Variants in CCND3 observed in about 807,000 individuals in gnomAD.
CCND3 encodes the protein cyclin D3, also known as G1/S-specific cyclin-D3.
CCND3 carries 9 observed loss-of-function variants against 28.7 expected under a neutral mutation model. That is an observed-to-expected ratio of 0.31 (90% CI 0.19 to 0.55). The LOEUF (loss-of-function observed/expected upper bound fraction) is 0.55. CCND3 is among the 20% of genes least tolerant of loss of function. The pLI, the probability that CCND3 is intolerant of heterozygous loss-of-function variation, is 0.93. For missense variants in CCND3, 315 were observed against 385.8 expected (o/e 0.82, Z 1.54); for synonymous variants, 164 against 163.9 (o/e 1.00, Z 0.00).
At chr6:42,038,536 T>A (rs1371444088) in intron 1 of CCND3, among the ~76,000 whole-genome samples, 4 of 140,484 alleles carry the variant, frequency 2.8e-5, no homozygotes, top group Non-Finnish European at 6.1e-5. Flanking sequence ...TGAGACCCCA[T>A]CTCAACTAAA....
chr6:42,032,848 G>C (rs1764083119), intron 1 of CCND3, among the ~76,000 whole-genome samples: 1 of 152,130 alleles, frequency 6.6e-6, no homozygotes, highest in South Asian at 2.1e-4. Flanking sequence ...TCTCTTTCGA[G>C]CCCCTGGCAC....
Position 41,984,949 on chromosome 6 carries a change from T to C in CCND3, c.-45-44364A>G, listed in dbSNP as rs150073830. Among the ~76,000 whole-genome samples the C allele has an allele frequency of 2.2e-3, 341 of 152,338 alleles. 2 individuals carry two copies. The highest frequency in any genetic ancestry group is 8.0e-3 in the African/African-American group (333 of 41,584). ...CTATTAAAGTCTTTTACTCATATTG[T>C]TTTTCTCTTCCTCTCTCAACTGACC... On this transcript the variant is annotated intron_variant, in intron 1 of 4. Transcript: ENST00000372988.
intron 1 of CCND3, among the ~76,000 whole-genome samples, chr6:41,987,124 G>A (rs1762500885): frequency 6.6e-6 from 1 of 152,002 alleles, no homozygotes; most frequent in Non-Finnish European, 1.5e-5. Flanking sequence ...GGATTAATGG[G>A]ATGGACTTTC....
intron 1 of CCND3, among the ~76,000 whole-genome samples, chr6:41,955,407 A>C (rs910994490): frequency 3.3e-5 from 5 of 152,198 alleles, no homozygotes; most frequent in African/African-American, 1.2e-4. Context: ...TTGAAAAAAA[A>C]CCAATATAAT....
intron 2 of CCND3, 113 bp downstream of exon 2, chr6:41,940,257 G>C (rs1021671725): frequency 5.4e-6 from 5 of 928,798 alleles, no homozygotes; most frequent in East Asian, 2.4e-5. Context: ...CAAAGGTCCT[G>C]ATCCCCTTGC....
intron 1 of CCND3, among the ~76,000 whole-genome samples, chr6:41,978,364 T>C (rs1582126443): frequency 8.3e-6 from 1 of 120,136 alleles, no homozygotes; most frequent in Non-Finnish European, 1.7e-5. Flanking sequence ...AGAGCGAGAC[T>C]CCATCTCAAA....
At chr6:41,963,259 A>T (rs2127405010) in intron 1 of CCND3, among the ~76,000 whole-genome samples, 1 of 152,274 alleles carries the variant, frequency 6.6e-6, no homozygotes, top group East Asian at 1.9e-4. Context: ...AGGCCAACTC[A>T]AATATCACCT....
chr6:41,971,011 A>C (rs1334278912), intron 1 of CCND3, among the ~76,000 whole-genome samples: 3 of 151,932 alleles, frequency 2.0e-5, no homozygotes, highest in Admixed American at 2.0e-4. Flanking sequence ...ACCACCTTAC[A>C]GGTTCAAACG....
chr6:41,989,097 A>G (rs1284697742), intron 1 of CCND3, among the ~76,000 whole-genome samples: 2 of 152,170 alleles, frequency 1.3e-5, no homozygotes, highest in Admixed American at 6.5e-5. Flanking sequence ...AAATAATTGC[A>G]AAGAACACAT....
upstream of CCND3, chr6:42,049,690 G>A (rs1003240091): frequency 3.3e-5 from 5 of 152,310 alleles, no homozygotes; most frequent in Non-Finnish European, 7.3e-5. Context: ...AAGGCAGCAG[G>A]ATGCAGCGAT....
chr6:42,007,090 A>G (rs1763197527), intron 1 of CCND3, among the ~76,000 whole-genome samples: 1 of 152,088 alleles, frequency 6.6e-6, no homozygotes, highest in Admixed American at 6.6e-5. Flanking sequence ...CATAATATAC[A>G]TACACACATG....
chr6:42,000,564 C>CTTTTTTTTTTTTTTTTTTTTTTT (rs774090777), intron 1 of CCND3, among the ~76,000 whole-genome samples: 1 of 85,516 alleles, frequency 1.2e-5, no homozygotes, highest in Non-Finnish European at 2.0e-5. Context: ...TGAAACGAAT[C>CTTTTTTTTTTTTTTTTTTTTTTT]TTTTTTTTTT....
In CCND3 at chr6:42,025,816, A is replaced by T. The variant is rs369942993; in HGVS notation, c.-46+22685T>A. Among the ~76,000 whole-genome samples, 507 of 152,366 alleles carry T rather than the reference A, an allele frequency of 3.3e-3. 3 individuals carry two copies. In the South Asian group the frequency reaches 0.034, roughly 10 times the overall value. ...AGGGAAAACAAGGCTTATAAGCTAC[A>T]GAGGTAAGGGACTGTGCCCATCTTG... On this transcript the variant is annotated intron_variant, in intron 1 of 4. Coordinates refer to the CCND3 transcript ENST00000372988.
At chr6:41,948,730 C>T (rs1316938643) in intron 1 of CCND3, among the ~76,000 whole-genome samples, 1 of 151,818 alleles carries the variant, frequency 6.6e-6, no homozygotes, top group Non-Finnish European at 1.5e-5. Context: ...ATCCCAGCTA[C>T]TCAGTAGGCT....
upstream of CCND3, among the ~76,000 whole-genome samples, chr6:42,049,141 T>A (rs1764647586): frequency 6.6e-6 from 1 of 152,218 alleles, no homozygotes; most frequent in South Asian, 2.1e-4. Context: ...ATTCAAGCTA[T>A]TCTCCTGCCT....
In CCND3 at chr6:41,941,497, C is replaced by G; in HGVS notation, c.153G>C (p.Glu51Asp). 3 of 1,608,742 alleles carry G rather than the reference C, an allele frequency of 1.9e-6. No homozygotes were observed. Among genetic ancestry groups the G allele is most frequent in the East Asian group, 2.2e-5 (1 of 44,560 alleles). The stretch of plus-strand genomic sequence containing the variant: ...GCATCTTCCGCATGTGCGGCTTGAT[C>G]TCCCGCTGCACGCACTGGAAGTAGG... ...RASYFQCVQR[E>D]IKPHMRKMLA... Residue 51 changes from glutamate (E) to aspartate (D), a missense_variant, in exon 1 of 5, where the codon GAG becomes GAC. Transcript: ENST00000372991. This position sits in a 1 kb window ranked among gnomAD's most constrained non-coding sequence, Gnocchi z 6.1.
At chr6:41,997,823 GTCCATTCCCAAC>G (rs1243720949) in intron 1 of CCND3, among the ~76,000 whole-genome samples, 3 of 151,682 alleles carry the variant, frequency 2.0e-5, no homozygotes, top group Non-Finnish European at 4.4e-5. Context: ...CATCTCTAAG[GTCCATTCCCAAC>G]TGGAATTTTA....
intron 1 of CCND3, among the ~76,000 whole-genome samples, chr6:42,027,788 T>C (rs922325473): frequency 2.6e-5 from 4 of 152,016 alleles, no homozygotes; most frequent in South Asian, 2.1e-4. Context: ...GCTCTTGTTG[T>C]CCAGGCTGGA....
At chr6:41,983,702 T>A (rs1762408656) in intron 1 of CCND3, among the ~76,000 whole-genome samples, 1 of 152,026 alleles carries the variant, frequency 6.6e-6, no homozygotes, top group Non-Finnish European at 1.5e-5. Flanking sequence ...TAGCTGGGTA[T>A]GGTGGTGCCT....
Sources: allele counts gnomAD v4.1 joint callset (sites outside exome capture counted in the v4.1 genomes callset), GRCh38; gene constraint gnomAD v4.1.1; non-coding constraint Gnocchi (gnomAD v3.1); transcripts MANE v1.5; gene names NCBI Gene and HGNC (gene_info 2026-07-23, HGNC 2026-07-21).